The following PKD1L3 variants were observed in gnomAD, a reference collection of about 807,000 sequenced individuals.
PKD1L3 encodes polycystin 1 like 3, transient receptor potential channel interacting, also known as polycystin-1-like protein 3.
A neutral mutation model predicts 184.1 loss-of-function variants in PKD1L3; 239 were observed. The ratio of observed to expected loss-of-function variants is 1.30; its 90% CI spans 1.17 to 1.45. The LOEUF (loss-of-function observed/expected upper bound fraction) is 1.45. Ranked by LOEUF, PKD1L3 falls within the 40% of genes most tolerant of loss-of-function variation. The pLI, the probability that PKD1L3 is intolerant of heterozygous loss-of-function variation, is 0.00. For synonymous variants in PKD1L3, 996 were observed against 778.8 expected (o/e 1.28, Z -4.64); for missense variants, 2,660 against 2,067.2 (o/e 1.29, Z -5.56).
chr16:71,948,803 T>TAAAAAGAAA (rs2038718261), intron 21 of PKD1L3, among the ~76,000 whole-genome samples: 1 of 81,206 alleles, frequency 1.2e-5, no homozygotes, highest in Non-Finnish European at 2.2e-5. Flanking sequence ...TTACATATAG[T>TAAAAAGAAA]AAAAAAAAAA....
chr16:71,962,934 T>C (rs2039337992), intron 16 of PKD1L3, among the ~76,000 whole-genome samples: 1 of 152,192 alleles, frequency 6.6e-6, no homozygotes, highest in South Asian at 2.1e-4. Flanking sequence ...TTCCTAGATA[T>C]CTTAGTAAAT....
chr16:71,994,453 A>G (rs2040708249), intron 2 of PKD1L3, among the ~76,000 whole-genome samples: 1 of 152,138 alleles, frequency 6.6e-6, no homozygotes, highest in East Asian at 1.9e-4. Flanking sequence ...GCCTTCTCTC[A>G]TGCTGCTACA....
chr16:71,963,931 A>T (rs1454192730), intron 15 of PKD1L3, among the ~76,000 whole-genome samples: 1 of 152,188 alleles, frequency 6.6e-6, no homozygotes, highest in African/African-American at 2.4e-5. Context: ...TCTGTCCCAT[A>T]TGTGACAGTG....
At chr16:71,952,227 A>G (rs891368628) in intron 18 of PKD1L3, among the ~76,000 whole-genome samples, 6 of 44,774 alleles carry the variant, frequency 1.3e-4, no homozygotes, top group South Asian at 7.3e-4. Flanking sequence ...TTTTTTTTTG[A>G]GACGGAGTCT....
At chr16:71,935,568 G>C (rs1285618785) in intron 25 of PKD1L3, 50 bp from the exon 26 acceptor site, 1 of 1,508,802 alleles carries the variant, frequency 6.6e-7, no homozygotes, top group African/African-American at 1.4e-5. Flanking sequence ...GATTAGCTAG[G>C]TCTCTCCCTG....
At chr16:71,940,273 A>G (rs2038316926) in intron 24 of PKD1L3, among the ~76,000 whole-genome samples, 1 of 152,110 alleles carries the variant, frequency 6.6e-6, no homozygotes, top group Non-Finnish European at 1.5e-5. Flanking sequence ...GGCACCAGCT[A>G]CCTCTGAGAG....
In PKD1L3 at chr16:71,935,405, A is replaced by C; in HGVS notation, c.4566T>G (p.Ile1522Met). ...FILLGLDMKS[I>M]SLHKKNMARY... ...GTGCCATGTTTTTCTTATGTAGAGA[A>C]ATACTCTTCATGTCAAGCCCCAGGA... is the stretch of plus-strand genomic sequence containing the variant. The change falls in exon 26 of 30, where the codon ATT becomes ATG. Residue 1522 changes from isoleucine (I) to methionine (M), a missense_variant. By Grantham distance (10) the Ile-to-Met change is conservative. Transcript: ENST00000620267. 3 of 1,551,826 alleles carry C rather than the reference A, an allele frequency of 1.9e-6. No individual in the cohort carries two copies. The highest frequency in any genetic ancestry group is 2.6e-6 in the Non-Finnish European group (3 of 1,147,006).
rs1032053893 is a variant in PKD1L3 at position 71,980,191 on chromosome 16, A to G, written c.1144-57T>C. ...TAAAACCTCAGTGTCTTATGTTAGT[A>G]AAATAATGTTTTGGAGAAGATTGGA... On this transcript the variant is annotated intron_variant, in intron 7 of 29. Transcript: ENST00000620267. 2.6e-6 allele frequency: 4 copies of G among 1,518,882 alleles called. No individual in the cohort carries two copies. The South Asian group carries it at 4.9e-5, about 18-fold the overall frequency. The allele number at this position is 1,518,882 out of a possible 1,614,324, so 94.1% of individuals were successfully genotyped here. A position where few individuals can be genotyped will look rare whatever the true frequency, so the allele number is the denominator to read the frequency against.
rs114928663 is a variant in PKD1L3, at chr16:71,992,653, T to C, written c.535+563A>G. 7.3e-3 allele frequency among the ~76,000 whole-genome samples: 1,107 copies of C among 152,344 alleles called. 16 individuals carry two copies. The highest frequency in any genetic ancestry group is 0.025 in the African/African-American group (1,025 of 41,578). ...TTTACATTTGTTCTTTAAATATATA[T>C]TCATGTCTCTAAATAAAACCTTCTA... On this transcript the variant is annotated intron_variant, in intron 3 of 29. Transcript: ENST00000620267.
At chr16:71,963,171 A>G (rs1052705180) in intron 16 of PKD1L3, 34 bp downstream of exon 16, 3 of 1,508,260 alleles carry the variant, frequency 2.0e-6, no homozygotes, top group African/African-American at 2.8e-5. Flanking sequence ...GTGAACATCA[A>G]TATTCACTGT....
chr16:71,950,190 G>A lies in PKD1L3; in HGVS notation c.3311C>T (p.Ala1104Val), dbSNP rs952981573. Residue 1104 changes from alanine (A) to valine (V), a missense_variant, in exon 20 of 30, where the codon GCA (alanine) becomes GTA (valine). By Grantham distance (64) the Ala-to-Val change is moderately conservative. Transcript: ENST00000620267. ...CTGGAGTTTTTGAAGTTGGCTGGCT[G>A]CATCTAGGAAGTCACAGGACTGGTG... is the stretch of plus-strand genomic sequence containing the variant. ...QGHQSCDFLDAASQLQKLQEL... is the reference protein window; with the variant it reads ...QGHQSCDFLDVASQLQKLQEL... 3.4e-5 allele frequency: 53 copies of A among 1,552,152 alleles called. No individual in the cohort carries two copies. Among genetic ancestry groups the A allele is most frequent in the Middle Eastern group, 1.7e-4 (1 of 6,020 alleles).
chr16:71,976,774 T>C (rs8048630), intron 11 of PKD1L3, among the ~76,000 whole-genome samples: 115,740 of 152,014 alleles, frequency 0.76, 44,306 homozygotes, highest in South Asian at 0.86. Flanking sequence ...ACGGAGTCTG[T>C]CTCTGTCTCC....
intron 7 of PKD1L3, among the ~76,000 whole-genome samples, chr16:71,981,535 CTTTTTTTTTTTTTTT>C (rs543488508): frequency 2.9e-5 from 3 of 105,090 alleles, no homozygotes; most frequent in Non-Finnish European, 3.8e-5. Flanking sequence ...TTCCTAAATT[CTTTTTTTTTTTTTTT>C]TTTTTTTTTT....
intron 16 of PKD1L3, among the ~76,000 whole-genome samples, chr16:71,959,474 G>T (rs1252165461): frequency 2.0e-5 from 3 of 152,024 alleles, no homozygotes; most frequent in Non-Finnish European, 1.5e-5. Context: ...AATAAACAGA[G>T]AAATTGATAT....
In PKD1L3 at chr16:71,982,107, G is replaced by A; in HGVS notation, c.1095C>T (p.Thr365=). Reference sequence around the variant, plus strand: ...CCAGCCAACTTCCTTCTCCAGCTTTGGTGACATTGTTGAGGGAATGAAAGG... The same window carrying A: ...CCAGCCAACTTCCTTCTCCAGCTTTAGTGACATTGTTGAGGGAATGAAAGG... ...VCPFHSLNNV[T]KAGEGSWLES... The change falls in exon 7 of 30, where the codon ACC becomes ACT. Residue 365 remains threonine, a synonymous_variant. Transcript: ENST00000620267. 2 of 1,551,324 alleles carry A rather than the reference G, an allele frequency of 1.3e-6. No individual in the cohort carries two copies.
At chr16:71,965,673 T>A (rs1392582578) in intron 15 of PKD1L3, among the ~76,000 whole-genome samples, 1 of 151,780 alleles carries the variant, frequency 6.6e-6, no homozygotes, top group Admixed American at 6.6e-5. Context: ...CCTGCCTCGG[T>A]CTCTCGAGCA....
At chr16:71,943,364 C>A (rs114069345) in intron 23 of PKD1L3, among the ~76,000 whole-genome samples, 1 of 151,796 alleles carries the variant, frequency 6.6e-6, no homozygotes, top group Non-Finnish European at 1.5e-5. Flanking sequence ...TAGTAAAACC[C>A]CCCCATCTAC....
chr16:71,991,559 T>G (rs1178946689), intron 3 of PKD1L3, among the ~76,000 whole-genome samples: 1 of 152,182 alleles, frequency 6.6e-6, no homozygotes, highest in Non-Finnish European at 1.5e-5. Flanking sequence ...TAAGGTGCTC[T>G]CCTAACAACA....
chr16:71,958,267 G>A (rs1407573655), intron 16 of PKD1L3, among the ~76,000 whole-genome samples: 10 of 148,588 alleles, frequency 6.7e-5, no homozygotes, highest in African/African-American at 2.2e-4. Context: ...GGCGCCTGTA[G>A]TCCCAGCTAC....
Sources: gnomAD v4.1 joint callset for allele counts (sites outside exome capture counted in the v4.1 genomes callset) on GRCh38, gnomAD v4.1.1 for gene constraint, MANE v1.5 for transcripts, NCBI Gene and HGNC (gene_info 2026-07-23, HGNC 2026-07-21) for gene names.